CSMD3: variants seen among roughly 807,000 people sequenced by gnomAD.
The protein encoded by CSMD3 is CUB and sushi domain-containing protein 3.
CSMD3 carries 177 observed loss-of-function variants against 435.2 expected under a neutral mutation model. That is an observed-to-expected ratio of 0.41 (90% CI 0.36 to 0.46). The LOEUF (loss-of-function observed/expected upper bound fraction) is 0.46, where lower values mean the gene tolerates loss of function less well. Ranked by LOEUF, CSMD3 falls within the 20% of genes least tolerant of loss-of-function variation. CSMD3 has a pLI of 0.34. For missense variants in CSMD3, 4,265 were observed against 4,504.6 expected (o/e 0.95, Z 1.52); for synonymous variants, 1,656 against 1,520.5 (o/e 1.09, Z -2.07).
chr8:112,243,488 C>T (rs776633591), intron 65 of CSMD3, among the ~76,000 whole-genome samples: 14 of 152,082 alleles, frequency 9.2e-5, no homozygotes, highest in Non-Finnish European at 1.8e-4. Context: ...GACCGAGCAG[C>T]AATCGGTGGA....
At chr8:112,602,020 A>G (rs1489428056) in intron 22 of CSMD3, among the ~76,000 whole-genome samples, 5 of 152,290 alleles carry the variant, frequency 3.3e-5, no homozygotes, top group South Asian at 4.1e-4. Flanking sequence ...CGATGGGAGC[A>G]GATAGCTTCC....
chr8:112,970,260 T>C (rs994651720), intron 7 of CSMD3, among the ~76,000 whole-genome samples: 4 of 151,486 alleles, frequency 2.6e-5, no homozygotes, highest in Non-Finnish European at 5.9e-5. Context: ...AGCTTTAGGG[T>C]TTAGGGATTA....
intron 50 of CSMD3, among the ~76,000 whole-genome samples, chr8:112,309,022 A>G (rs1821707627): frequency 6.6e-6 from 1 of 152,050 alleles, no homozygotes; most frequent in Admixed American, 6.5e-5. Flanking sequence ...ACAATTAGAA[A>G]AGATCAATTT....
chr8:112,870,272 A>ATTT (rs367725898), intron 10 of CSMD3, among the ~76,000 whole-genome samples: 3 of 141,302 alleles, frequency 2.1e-5, no homozygotes, highest in African/African-American at 7.8e-5. Context: ...CAGAATGGCT[A>ATTT]TTTTTTTTTT....
At chr8:113,372,354 T>G (rs2094350820) in intron 1 of CSMD3, among the ~76,000 whole-genome samples, 1 of 152,220 alleles carries the variant, frequency 6.6e-6, no homozygotes, top group African/African-American at 2.4e-5. Context: ...ATTAGATGAT[T>G]GAAGCTACAG....
chr8:112,375,015 A>G (rs762593603), intron 38 of CSMD3, among the ~76,000 whole-genome samples: 3 of 152,196 alleles, frequency 2.0e-5, no homozygotes, highest in Non-Finnish European at 4.4e-5. Flanking sequence ...GACCATTAGG[A>G]GAGTTGGTAG....
intron 3 of CSMD3, among the ~76,000 whole-genome samples, chr8:113,250,384 G>A (rs1455563190): frequency 6.6e-6 from 1 of 152,120 alleles, no homozygotes; most frequent in African/African-American, 2.4e-5. Flanking sequence ...AGGGAGTGTA[G>A]CTCTCTCAAG....
intron 3 of CSMD3, among the ~76,000 whole-genome samples, chr8:113,202,971 G>T (rs542330427): frequency 1.3e-5 from 2 of 152,068 alleles, no homozygotes; most frequent in African/African-American, 4.8e-5. Context: ...AATTACAGAA[G>T]AATAAGATTT....
chr8:112,756,423 C>T (rs763163671), intron 13 of CSMD3, among the ~76,000 whole-genome samples: 1 of 152,126 alleles, frequency 6.6e-6, no homozygotes, highest in Non-Finnish European at 1.5e-5. Flanking sequence ...AAATCTCAAA[C>T]AGCATAATTT....
At chr8:112,796,117 T>G (rs1013386953) in intron 13 of CSMD3, among the ~76,000 whole-genome samples, 1 of 152,240 alleles carries the variant, frequency 6.6e-6, no homozygotes, top group African/African-American at 2.4e-5. Flanking sequence ...TTTGGTGTTC[T>G]CCTGCTCTTC....
intron 2 of CSMD3, among the ~76,000 whole-genome samples, chr8:113,307,294 T>C (rs1009569527): frequency 6.6e-6 from 1 of 152,174 alleles, no homozygotes; most frequent in Non-Finnish European, 1.5e-5. Context: ...TTTATTAAGT[T>C]GTTATTTCTA....
Position 112,550,948 on chromosome 8 carries a change from A to G in CSMD3, c.4362-75T>C, listed in dbSNP as rs138605637. 8.3e-4 allele frequency: 863 copies of G among 1,036,426 alleles called. 2 individuals are homozygous for G. In the African/African-American group the frequency reaches 0.012, roughly 15 times the overall value. 64.2% of individuals were successfully genotyped at this position (1,036,426 alleles called of 1,614,324 possible). On this transcript the variant is annotated intron_variant, in intron 26 of 70. Coordinates refer to ENST00000297405, the MANE Select transcript of CSMD3 (RefSeq NM_198123.2). ...TAAAGAAAAAATAGAACAAATGTGC[A>G]TTATGCCTTTTACTAGATAGTTCTT...
chr8:112,701,921 T>G (rs974674673), intron 13 of CSMD3, among the ~76,000 whole-genome samples: 34 of 152,272 alleles, frequency 2.2e-4, no homozygotes, highest in Middle Eastern at 3.4e-3. Context: ...GGTCAAACTA[T>G]ACATCCTCCA....
In CSMD3 at chr8:113,265,771, T is replaced by C. The variant is rs75429981; in HGVS notation, c.514+12821A>G. Reference sequence around the variant, plus strand: ...TGCTTAGAAGGTAGAGAGATACTCATGATTTAGCTAAAAAGTCACTTGTGG... The same window carrying C: ...TGCTTAGAAGGTAGAGAGATACTCACGATTTAGCTAAAAAGTCACTTGTGG... On this transcript the variant is annotated intron_variant, in intron 3 of 70. Transcript: ENST00000297405. 2.0e-5 allele frequency among the ~76,000 whole-genome samples: 3 copies of C among 151,708 alleles called. No individual in the cohort carries two copies. The East Asian group carries it at 5.8e-4, about 29-fold the overall frequency.
chr8:112,320,049 C>G (rs1376471789), intron 45 of CSMD3, 68 bp from the exon 46 acceptor site: 2 of 993,030 alleles, frequency 2.0e-6, no homozygotes, highest in Non-Finnish European at 3.2e-6. Context: ...TGCAAAAAAA[C>G]AAGAAAATTA....
intron 63 of CSMD3, among the ~76,000 whole-genome samples, chr8:112,249,241 A>T (rs1365083338): frequency 2.6e-5 from 4 of 151,982 alleles, no homozygotes; most frequent in Non-Finnish European, 4.4e-5. Context: ...AATCCTTTTC[A>T]AAGTATCGTC....
At chr8:112,334,075 C>T (rs749195578) in intron 45 of CSMD3, among the ~76,000 whole-genome samples, 9 of 151,874 alleles carry the variant, frequency 5.9e-5, no homozygotes, top group African/African-American at 1.7e-4. Flanking sequence ...AAAAAACAGC[C>T]GGAATAAAAG....
chr8:112,944,655 A>G (rs2083550319), intron 9 of CSMD3, among the ~76,000 whole-genome samples: 1 of 151,582 alleles, frequency 6.6e-6, no homozygotes, highest in African/African-American at 2.4e-5. Context: ...ACTCTTGTCA[A>G]CAACCTTCAT....
intron 22 of CSMD3, among the ~76,000 whole-genome samples, chr8:112,629,707 C>T (rs559668572): frequency 7.2e-5 from 11 of 152,236 alleles, no homozygotes; most frequent in South Asian, 4.2e-4. Flanking sequence ...TAGTGTTTTA[C>T]GCAGGGAATA....
Sources: allele counts gnomAD v4.1 joint callset (sites outside exome capture counted in the v4.1 genomes callset), GRCh38; gene constraint gnomAD v4.1.1; transcripts MANE v1.5; gene names NCBI Gene and HGNC (gene_info 2026-07-23, HGNC 2026-07-21).